SH3BGRL: variants seen among roughly 807,000 people sequenced by gnomAD.
SH3BGRL encodes adapter SH3BGRL.
A neutral mutation model predicts 9.8 loss-of-function variants in SH3BGRL; 7 were observed. That is an observed-to-expected ratio of 0.72 (90% confidence interval 0.41 to 1.35). The LOEUF (loss-of-function observed/expected upper bound fraction) is 1.35. Ranked by LOEUF, SH3BGRL falls within the 40% of genes most tolerant of loss-of-function variation. The probability of loss-of-function intolerance (pLI) is 0.01; values close to 1 mark genes in which losing one functional copy is unlikely to be tolerated. For synonymous variants in SH3BGRL, 36 were observed against 29.1 expected, an observed-to-expected ratio of 1.24 and a Z score of -0.76; for missense variants, 73 against 84.4, an observed-to-expected ratio of 0.86 and a Z score of 0.53.
At chrX:81,274,195 A>G (rs1169922407) in intron 1 of SH3BGRL, among the ~76,000 whole-genome samples, 2 of 111,751 alleles carry the variant, frequency 1.8e-5, no homozygotes, top group Non-Finnish European at 3.8e-5. Flanking sequence ...TATGGTTTTC[A>G]GTCTCATGCA....
At chrX:81,281,386 A>G (rs2075816301) in intron 3 of SH3BGRL, among the ~76,000 whole-genome samples, 1 of 112,021 alleles carries the variant, frequency 8.9e-6, no homozygotes, top group African/African-American at 3.2e-5. Context: ...GGTTATCCAA[A>G]GTTAAGACAA....
intron 1 of SH3BGRL, among the ~76,000 whole-genome samples, chrX:81,260,918 A>G (rs1172810096): frequency 9.0e-6 from 1 of 110,928 alleles, no homozygotes; most frequent in African/African-American, 3.3e-5. Flanking sequence ...TGGGTATTAT[A>G]CTGATTTTGT....
At chrX:81,244,029 C>T (rs938387285) in intron 1 of SH3BGRL, among the ~76,000 whole-genome samples, 2 of 112,003 alleles carry the variant, frequency 1.8e-5, no homozygotes, top group African/African-American at 6.5e-5. Flanking sequence ...AAGCTTACCA[C>T]ATGTCAGATG....
chrX:81,260,959 G>T (rs2075739440), intron 1 of SH3BGRL, among the ~76,000 whole-genome samples: 1 of 110,956 alleles, frequency 9.0e-6, no homozygotes, highest in African/African-American at 3.3e-5. Flanking sequence ...ATTAAATTGT[G>T]TACATACTCA....
In SH3BGRL at chrX:81,297,311, G is replaced by T. The variant is rs1446475623; in HGVS notation, c.*84G>T. On this transcript the variant is annotated 3_prime_UTR_variant, in exon 4 of 4. Coordinates refer to ENST00000373212, the MANE Select transcript of SH3BGRL (RefSeq NM_003022.3). ...TAGCAGAATTAGCTTTGCTTCAAAA[G>T]AAATAGGCTTAATGTTGAAATAATA... The T allele has an allele frequency of 2.7e-6, 2 of 750,894 alleles. No homozygotes were observed. The highest frequency in any genetic ancestry group is 3.9e-6 in the Non-Finnish European group (2 of 508,365). The allele number at this position is 750,894 out of a possible 1,213,427, so 61.9% of individuals were successfully genotyped here.
At chrX:81,261,153 CTTAAGATTTAGAG>C (rs1225681824) in intron 1 of SH3BGRL, among the ~76,000 whole-genome samples, 2 of 111,289 alleles carry the variant, frequency 1.8e-5, no homozygotes, top group Non-Finnish European at 3.8e-5. Flanking sequence ...GTGGAACAAA[CTTAAGATTTAGAG>C]TTAGGGATAT....
At chrX:81,232,715 C>A (rs1234207279) in intron 1 of SH3BGRL, among the ~76,000 whole-genome samples, 1 of 110,349 alleles carries the variant, frequency 9.1e-6, no homozygotes, top group Non-Finnish European at 1.9e-5. Context: ...TTAATAAACA[C>A]TTTTCGTATT....
intron 3 of SH3BGRL, among the ~76,000 whole-genome samples, chrX:81,289,535 C>T (rs944213016): frequency 4.6e-5 from 5 of 108,975 alleles, no homozygotes; most frequent in Non-Finnish European, 7.7e-5. Context: ...GACAGGGGAT[C>T]GGTAACGAGC....
At chrX:81,212,247 A>G in intron 1 of SH3BGRL, among the ~76,000 whole-genome samples, 1 of 103,253 alleles carries the variant, frequency 9.7e-6, no homozygotes, top group African/African-American at 4.1e-5. Flanking sequence ...ATAAAAAATA[A>G]AAAAAAAAGA....
At chrX:81,264,239 T>TC (rs748707762) in intron 1 of SH3BGRL, among the ~76,000 whole-genome samples, 7 of 108,800 alleles carry the variant, frequency 6.4e-5, no homozygotes, top group African/African-American at 1.3e-4. Flanking sequence ...GTCTAGTATA[T>TC]CCCCCCCATG....
chrX:81,211,345 G>C lies in SH3BGRL; in HGVS notation c.45+9100G>C, dbSNP rs73634725. ...CACGCCTGTAATCTCAGCACTTTGT[G>C]GGGGCCGAGGCGGGCGGATCACGAG... On this transcript the variant is annotated intron_variant, in intron 1 of 3. Transcript: ENST00000373212. Among the ~76,000 whole-genome samples, 540 of 111,753 alleles carry C rather than the reference G, an allele frequency of 4.8e-3. 3 individuals are homozygous for C. The highest frequency in any genetic ancestry group is 0.016 in the African/African-American group (501 of 30,713).
intron 3 of SH3BGRL, among the ~76,000 whole-genome samples, chrX:81,294,468 T>A (rs1302668118): frequency 9.1e-6 from 1 of 110,459 alleles, no homozygotes; most frequent in African/African-American, 3.3e-5. Flanking sequence ...GTGTTGAGCC[T>A]GTGGGTGCAC....
At chrX:81,220,609 A>C (rs191382690) in intron 1 of SH3BGRL, among the ~76,000 whole-genome samples, 2 of 108,165 alleles carry the variant, frequency 1.8e-5, no homozygotes, top group East Asian at 5.8e-4. Flanking sequence ...TTTCATTTCA[A>C]TTTAATTTAT....
intron 1 of SH3BGRL, among the ~76,000 whole-genome samples, chrX:81,222,122 A>G (rs1256584865): frequency 1.8e-5 from 2 of 112,246 alleles, no homozygotes; most frequent in Admixed American, 9.4e-5. Context: ...CTCTGCGTCT[A>G]AGATTACAGA....
chrX:81,216,032 C>CT (rs2075580538), intron 1 of SH3BGRL, among the ~76,000 whole-genome samples: 1 of 111,793 alleles, frequency 8.9e-6, no homozygotes, highest in African/African-American at 3.2e-5. Context: ...GCCTTTTAGA[C>CT]TTTTCTATAA....
chrX:81,258,392 C>T (rs138302261), intron 1 of SH3BGRL, among the ~76,000 whole-genome samples: 1,711 of 112,234 alleles, frequency 0.015, 55 homozygotes, highest in Admixed American at 0.088. Context: ...GGATTATTTA[C>T]TTAAACTAGG....
rs149182541 is a variant in SH3BGRL, at chrX:81,275,107, G to A, written c.46-1877G>A. 4.1e-3 allele frequency among the ~76,000 whole-genome samples: 458 copies of A among 111,393 alleles called. 7 individuals carry two copies. The East Asian group carries it at 0.064, about 16-fold the overall frequency. On this transcript the variant is annotated intron_variant, in intron 1 of 3. Coordinates refer to ENST00000373212, the MANE Select transcript of SH3BGRL (RefSeq NM_003022.3). Reference sequence around the variant, plus strand: ...ACTTAGCACAGTGAGTCATGTTCTCGACAAAGTAAGCATTCAATAAGGTAG... The same window carrying A: ...ACTTAGCACAGTGAGTCATGTTCTCAACAAAGTAAGCATTCAATAAGGTAG...
intron 1 of SH3BGRL, among the ~76,000 whole-genome samples, chrX:81,263,832 GT>G (rs1022555758): frequency 9.1e-6 from 1 of 110,077 alleles, no homozygotes; most frequent in Middle Eastern, 4.7e-3. Flanking sequence ...TTTCTTGTCT[GT>G]TTTTTTTGTA....
intron 1 of SH3BGRL, among the ~76,000 whole-genome samples, chrX:81,218,106 C>T (rs2075586594): frequency 9.0e-6 from 1 of 110,667 alleles, no homozygotes; most frequent in South Asian, 3.7e-4. Context: ...CATGGAATAT[C>T]TTTTTCCACC....
Sources: gnomAD v4.1 joint callset for allele counts (sites outside exome capture counted in the v4.1 genomes callset) on GRCh38, gnomAD v4.1.1 for gene constraint, MANE v1.5 for transcripts, NCBI Gene and HGNC (gene_info 2026-07-23, HGNC 2026-07-21) for gene names.